Variants in DLG2 observed in about 807,000 individuals in gnomAD.
DLG2 encodes the protein disks large homolog 2.
DLG2 carries 45 observed loss-of-function variants against 132.5 expected under a neutral mutation model. The ratio of observed to expected loss-of-function variants is 0.34; its 90% CI spans 0.27 to 0.44. The LOEUF is 0.44. Among genes scored for constraint, DLG2 ranks in the 20% least tolerant of loss-of-function variants. The pLI, the probability that DLG2 is intolerant of heterozygous loss-of-function variation, is 1.00. For missense variants in DLG2, 1,045 were observed against 1,196.9 expected (o/e 0.87, Z 1.87); for synonymous variants, 424 against 419.6 (o/e 1.01, Z -0.13).
At chr11:84,396,378 A>G (rs898045153) in intron 7 of DLG2, among the ~76,000 whole-genome samples, 10 of 152,340 alleles carry the variant, frequency 6.6e-5, no homozygotes, top group African/African-American at 2.4e-4. Flanking sequence ...GTTTTCATAA[A>G]AGATACTTTA....
chr11:83,483,533 AG>A (rs2093294436), intron 22 of DLG2, among the ~76,000 whole-genome samples: 1 of 152,142 alleles, frequency 6.6e-6, no homozygotes, highest in Admixed American at 6.6e-5. Context: ...AAAGATTGTA[AG>A]AAAAAAAAAT....
At chr11:85,379,919 G>A (rs2152928802) in intron 3 of DLG2, among the ~76,000 whole-genome samples, 1 of 152,212 alleles carries the variant, frequency 6.6e-6, no homozygotes, top group East Asian at 1.9e-4. Flanking sequence ...GTCACAAAAT[G>A]TCACGTTTTC....
chr11:83,593,667 A>G (rs1405007399), intron 19 of DLG2, among the ~76,000 whole-genome samples: 2 of 151,556 alleles, frequency 1.3e-5, no homozygotes, highest in African/African-American at 4.8e-5. Flanking sequence ...TATATTAAAA[A>G]AAAAAGAAAA....
intron 9 of DLG2, among the ~76,000 whole-genome samples, chr11:84,129,261 G>T (rs1413868756): frequency 6.6e-6 from 1 of 152,084 alleles, no homozygotes; most frequent in Admixed American, 6.6e-5. Context: ...TGTCCAAAGG[G>T]TGAAGTCCCT....
chr11:83,710,540 A>G lies in DLG2; in HGVS notation c.1825+76150T>C, dbSNP rs116233617. Among the ~76,000 whole-genome samples, 1,409 of 152,320 alleles carry G rather than the reference A, an allele frequency of 9.3e-3. 21 individuals are homozygous for G. Among genetic ancestry groups the G allele is most frequent in the African/African-American group, 0.031 (1,290 of 41,574 alleles). On this transcript the variant is annotated intron_variant, in intron 18 of 27. Transcript: ENST00000376104. ...TAAGATAGTGAGTGCCAAGATGGAC[A>G]ATTCATAGGAACAAAGAGCAGTGGT...
intron 6 of DLG2, among the ~76,000 whole-genome samples, chr11:85,097,217 AT>A (rs1262414494): frequency 2.0e-5 from 3 of 152,060 alleles, no homozygotes; most frequent in Non-Finnish European, 1.5e-5. Context: ...TATAAGAATG[AT>A]TTCTAGTATA....
intron 7 of DLG2, among the ~76,000 whole-genome samples, chr11:84,435,818 C>T (rs2098998792): frequency 6.6e-6 from 1 of 152,110 alleles, no homozygotes. Context: ...CTATTTCCTA[C>T]ATTTGGGTCC....
At chr11:83,580,869 C>T (rs1328778544) in intron 19 of DLG2, among the ~76,000 whole-genome samples, 6 of 122,964 alleles carry the variant, frequency 4.9e-5, no homozygotes, top group African/African-American at 1.9e-4. Context: ...ACTTCCTCCA[C>T]CCTTCTCTCC....
chr11:85,102,969 AC>A (rs1002317903), intron 6 of DLG2, among the ~76,000 whole-genome samples: 7 of 152,004 alleles, frequency 4.6e-5, no homozygotes, highest in African/African-American at 1.4e-4. Context: ...ACTTCTATAC[AC>A]TAGAATGACC....
chr11:84,173,891 C>T (rs1406860767), intron 8 of DLG2, among the ~76,000 whole-genome samples: 1 of 152,098 alleles, frequency 6.6e-6, no homozygotes, highest in African/African-American at 2.4e-5. Flanking sequence ...CTAGTCTCCT[C>T]CCTACTGCTC....
At chr11:84,544,201 T>A (rs1005791241) in intron 6 of DLG2, among the ~76,000 whole-genome samples, 3 of 152,216 alleles carry the variant, frequency 2.0e-5, no homozygotes, top group Admixed American at 6.5e-5. Context: ...AAGGCTAGAC[T>A]CACACAGGAG....
At chr11:84,001,959 T>G (rs79041771) in intron 11 of DLG2, among the ~76,000 whole-genome samples, 3,355 of 152,024 alleles carry the variant, frequency 0.022, 68 homozygotes, top group Middle Eastern at 0.034. Context: ...TAAGAGGGAA[T>G]TTTATAGCAA....
intron 6 of DLG2, among the ~76,000 whole-genome samples, chr11:84,782,142 G>T (rs1249096300): frequency 6.6e-6 from 1 of 151,954 alleles, no homozygotes; most frequent in East Asian, 1.9e-4. Context: ...CACACATGTA[G>T]CCCAGGTGTT....
At chr11:83,587,451 AAC>A (rs1242820570) in intron 19 of DLG2, among the ~76,000 whole-genome samples, 17 of 152,046 alleles carry the variant, frequency 1.1e-4, no homozygotes, top group Non-Finnish European at 1.3e-4. Flanking sequence ...TTATATTTTT[AAC>A]AGAGATAAGA....
chr11:84,556,098 T>C (rs2099411496), intron 6 of DLG2, among the ~76,000 whole-genome samples: 1 of 152,170 alleles, frequency 6.6e-6, no homozygotes, highest in African/African-American at 2.4e-5. Context: ...CCCTCCAACA[T>C]CTTTTCTCAG....
chr11:84,494,760 A>G (rs937197419), intron 7 of DLG2, among the ~76,000 whole-genome samples: 6 of 152,258 alleles, frequency 3.9e-5, no homozygotes, highest in African/African-American at 1.2e-4. Context: ...AAGCCACAGG[A>G]TCTAAGTGTT....
intron 6 of DLG2, among the ~76,000 whole-genome samples, chr11:84,972,843 T>C (rs749452883): frequency 6.6e-6 from 1 of 152,216 alleles, no homozygotes; most frequent in Non-Finnish European, 1.5e-5. Flanking sequence ...TTCCAGCTTG[T>C]TGAGACTGCA....
At chr11:84,772,821 C>T (rs1236239665) in intron 6 of DLG2, among the ~76,000 whole-genome samples, 2 of 152,052 alleles carry the variant, frequency 1.3e-5, no homozygotes, top group African/African-American at 4.8e-5. Flanking sequence ...GTTTACAGTA[C>T]TAAAGTCCTA....
intron 15 of DLG2, among the ~76,000 whole-genome samples, chr11:83,926,011 A>G (rs932384146): frequency 3.3e-5 from 5 of 152,162 alleles, no homozygotes; most frequent in Admixed American, 1.3e-4. Context: ...TGCTTCTGCA[A>G]GCATTAAGAA....
Sources: gnomAD v4.1 joint callset for allele counts (sites outside exome capture counted in the v4.1 genomes callset) on GRCh38, gnomAD v4.1.1 for gene constraint, MANE v1.5 for transcripts, NCBI Gene and HGNC (gene_info 2026-07-23, HGNC 2026-07-21) for gene names.